Variants in ACOXL observed in about 807,000 individuals in gnomAD.
The protein encoded by ACOXL is acyl-coenzyme A oxidase-like protein.
Under a neutral mutation model 71.9 loss-of-function variants are expected in ACOXL, and 70 were observed. That is an observed-to-expected ratio of 0.97 (90% CI 0.80 to 1.19). ACOXL has a LOEUF of 1.19. Ranked by LOEUF, ACOXL falls within the 50% of genes most tolerant of loss-of-function variation. The pLI is 0.00. For missense variants in ACOXL, 703 were observed against 736.3 expected, an observed-to-expected ratio of 0.95 and a Z score of 0.52; for synonymous variants, 253 against 281.6, an observed-to-expected ratio of 0.90 and a Z score of 1.02.
intron 12 of ACOXL, among the ~76,000 whole-genome samples, chr2:110,959,406 T>C (rs1347474344): frequency 6.6e-6 from 1 of 152,194 alleles, no homozygotes; most frequent in East Asian, 1.9e-4. Context: ...GCCTTTGTTT[T>C]TCTTGGGCAC....
intron 9 of ACOXL, among the ~76,000 whole-genome samples, chr2:110,814,671 A>G (rs551213603): frequency 2.0e-5 from 3 of 152,312 alleles, no homozygotes; most frequent in South Asian, 4.1e-4. Context: ...TATTAAGGCC[A>G]GGGCTACGAA....
At chr2:111,103,331 A>T (rs2069307425) in intron 17 of ACOXL, among the ~76,000 whole-genome samples, 2 of 152,100 alleles carry the variant, frequency 1.3e-5, no homozygotes, top group Non-Finnish European at 2.9e-5. Flanking sequence ...AAATAAAAAT[A>T]AAAAAGCATG....
intron 9 of ACOXL, among the ~76,000 whole-genome samples, chr2:110,809,107 G>A (rs1355289898): frequency 6.6e-6 from 1 of 152,272 alleles, no homozygotes; most frequent in Non-Finnish European, 1.5e-5. Context: ...TCCATGTTGA[G>A]TGGGAAGGAG....
chr2:111,071,636 C>T (rs912074899), intron 16 of ACOXL, among the ~76,000 whole-genome samples: 6 of 152,182 alleles, frequency 3.9e-5, no homozygotes, highest in South Asian at 2.1e-4. Context: ...TCTGATATCA[C>T]GCTGGTATTA....
At chr2:111,095,634 G>A (rs1016487491) in intron 17 of ACOXL, among the ~76,000 whole-genome samples, 9 of 152,092 alleles carry the variant, frequency 5.9e-5, no homozygotes, top group South Asian at 2.1e-4. Context: ...CAAGTCATCC[G>A]CCAGCCTTGG....
At chr2:111,067,901 A>G (rs2149911660) in intron 16 of ACOXL, among the ~76,000 whole-genome samples, 1 of 152,312 alleles carries the variant, frequency 6.6e-6, no homozygotes, top group African/African-American at 2.4e-5. Context: ...ATAAGCCCTC[A>G]GTGTCATAAG....
At chr2:110,911,270 T>C (rs962526407) in intron 11 of ACOXL, among the ~76,000 whole-genome samples, 1 of 152,074 alleles carries the variant, frequency 6.6e-6, no homozygotes, top group Non-Finnish European at 1.5e-5. Context: ...CCTAAACAGC[T>C]TTAATAGTGA....
chr2:110,906,516 C>T (rs190125484), intron 10 of ACOXL, among the ~76,000 whole-genome samples: 1,545 of 125,626 alleles, frequency 0.012, 14 homozygotes, highest in Middle Eastern at 0.099. Context: ...CCAGCCTGGA[C>T]GACAGAGCAA....
intron 11 of ACOXL, among the ~76,000 whole-genome samples, chr2:110,911,268 G>T (rs1159771212): frequency 2.0e-5 from 3 of 151,946 alleles, no homozygotes; most frequent in Admixed American, 2.0e-4. Context: ...GGCCTAAACA[G>T]CTTTAATAGT....
At chr2:110,920,099 G>A (rs1450659982) in intron 11 of ACOXL, among the ~76,000 whole-genome samples, 1 of 152,196 alleles carries the variant, frequency 6.6e-6, no homozygotes, top group African/African-American at 2.4e-5. Context: ...AGGACTGGTA[G>A]GTCAAGTGGT....
intron 16 of ACOXL, among the ~76,000 whole-genome samples, chr2:111,075,840 G>T (rs1029798319): frequency 1.3e-5 from 2 of 151,996 alleles, no homozygotes; most frequent in Admixed American, 6.5e-5. Flanking sequence ...ATTATATATA[G>T]AAGTATGAGG....
chr2:110,832,157 A>G (rs2105647241), intron 9 of ACOXL, among the ~76,000 whole-genome samples: 1 of 152,270 alleles, frequency 6.6e-6, no homozygotes, highest in Middle Eastern at 3.4e-3. Context: ...ACAGAGCAAG[A>G]CTGTCTCACT....
intron 10 of ACOXL, among the ~76,000 whole-genome samples, chr2:110,859,205 T>A (rs1193543984): frequency 1.3e-5 from 2 of 152,184 alleles, no homozygotes; most frequent in Middle Eastern, 3.2e-3. Flanking sequence ...AGAAAGAGAA[T>A]GGACTGATGA....
intron 14 of ACOXL, among the ~76,000 whole-genome samples, chr2:111,010,610 G>GA (rs2064104413): frequency 6.6e-6 from 1 of 151,818 alleles, no homozygotes; most frequent in East Asian, 1.9e-4. Flanking sequence ...AGGAGAGGAT[G>GA]AAAAACAAAC....
chr2:110,812,099 T>C (rs1421621302), intron 9 of ACOXL, among the ~76,000 whole-genome samples: 2 of 152,224 alleles, frequency 1.3e-5, no homozygotes, highest in African/African-American at 4.8e-5. Context: ...GAAGGATACA[T>C]GAGCTGAGTA....
At chr2:110,828,080 C>T (rs966459151) in intron 9 of ACOXL, among the ~76,000 whole-genome samples, 3 of 152,148 alleles carry the variant, frequency 2.0e-5, no homozygotes, top group Non-Finnish European at 4.4e-5. Flanking sequence ...AAGTGATTCT[C>T]CTTCCTTAGC....
chr2:110,799,529 C>T lies in ACOXL; in HGVS notation c.547+429C>T, dbSNP rs545273512. Among the ~76,000 whole-genome samples the T allele has an allele frequency of 8.5e-5, 13 of 152,252 alleles. No homozygotes were observed. The East Asian group carries it at 1.5e-3, about 18-fold the overall frequency. ...CCCTAGTTTGCTAGGGCTGCCATAC[C>T]GCTAACTGTGGGGCTTAAACAACAG... is the stretch of plus-strand genomic sequence containing the variant. On this transcript the variant is annotated intron_variant, in intron 7 of 17. Transcript: ENST00000439055.
chr2:110,801,092 T>C (rs1685935528), intron 7 of ACOXL, among the ~76,000 whole-genome samples: 1 of 152,182 alleles, frequency 6.6e-6, no homozygotes, highest in East Asian at 1.9e-4. Context: ...CTTTAGGAAA[T>C]GTGTCTGCCA....
intron 8 of ACOXL, 137 bp from the exon 9 acceptor site, chr2:110,805,126 G>A (rs749093035): frequency 3.2e-5 from 37 of 1,143,248 alleles, no homozygotes; most frequent in East Asian, 1.7e-4. Context: ...CCTTATCGGC[G>A]CTCTGTCTCA....
Sources: gnomAD v4.1 joint callset for allele counts (sites outside exome capture counted in the v4.1 genomes callset) on GRCh38, gnomAD v4.1.1 for gene constraint, MANE v1.5 for transcripts, NCBI Gene and HGNC (gene_info 2026-07-23, HGNC 2026-07-21) for gene names.